DOK5: variants seen among roughly 807,000 people sequenced by gnomAD.
The protein encoded by DOK5 is downstream of tyrosine kinase 5.
Under a neutral mutation model 43.3 loss-of-function variants are expected in DOK5, and 27 were observed. The ratio of observed to expected loss-of-function variants is 0.62; its 90% CI spans 0.46 to 0.86. The LOEUF is 0.86. Among genes scored for constraint, DOK5 ranks in the 40% least tolerant of loss-of-function variants. DOK5 has a pLI of 0.00. For missense variants in DOK5, 373 were observed against 392.9 expected (o/e 0.95, Z 0.43); for synonymous variants, 146 against 140.1 (o/e 1.04, Z -0.30).
chr20:54,528,729 A>C (rs1983662729), intron 1 of DOK5, among the ~76,000 whole-genome samples: 1 of 152,214 alleles, frequency 6.6e-6, no homozygotes, highest in South Asian at 2.1e-4. Context: ...GCTGGGAGGC[A>C]GCTTTTTGGA....
chr20:54,531,753 G>A (rs1362706907), intron 1 of DOK5, among the ~76,000 whole-genome samples: 6 of 152,146 alleles, frequency 3.9e-5, no homozygotes. Flanking sequence ...CTGATGTTAT[G>A]TATTCTTTAA....
At position 54,489,388 on chromosome 20, in the gene DOK5, AAGT is replaced by A. The variant is rs1378632238; in HGVS notation, c.66+13380_66+13382del. Among the ~76,000 whole-genome samples, 4 of 151,964 alleles carry A rather than the reference AAGT, an allele frequency of 2.6e-5. No individual in the cohort carries two copies. In the East Asian group the frequency reaches 7.7e-4, roughly 29 times the overall value. On this transcript the variant is annotated intron_variant, in intron 1 of 7. Coordinates refer to ENST00000262593, the MANE Select transcript of DOK5 (RefSeq NM_018431.5). ...GTCTCTTCCAGAATAGTCTATATAT[AAGT>A]AGTTTTGTGTGTGTGTGGGCTTGTG...
In DOK5 at chr20:54,610,459, A is replaced by G. The variant is rs1482817635; in HGVS notation, c.671A>G (p.His224Arg). Residue 224 changes from histidine to arginine, a missense_variant, in exon 6 of 8, where the codon CAC (histidine) becomes CGC (arginine). His to Arg is a conservative substitution (Grantham distance 29). Coordinates refer to ENST00000262593, the MANE Select transcript of DOK5 (RefSeq NM_018431.5). ...RDGEAIYQKV[H>R]SAALAIAEQH... Reference sequence around the variant, plus strand: ...GGGGAGGCCATCTATCAGAAAGTCCACTCTGCTGCCTTGGCCATAGCCGAG... The same window carrying G: ...GGGGAGGCCATCTATCAGAAAGTCCGCTCTGCTGCCTTGGCCATAGCCGAG... 1.0e-5 allele frequency: 16 copies of G among 1,592,300 alleles called. No homozygotes were observed. Among genetic ancestry groups the G allele is most frequent in the Admixed American group, 1.8e-5 (1 of 56,248 alleles).
At chr20:54,590,403 A>G (rs192355185) in intron 4 of DOK5, among the ~76,000 whole-genome samples, 2 of 151,918 alleles carry the variant, frequency 1.3e-5, no homozygotes, top group Admixed American at 1.3e-4. Flanking sequence ...TCTCTCCCCT[A>G]TTGTTATTCT....
At position 54,645,022 on chromosome 20, in the gene DOK5, T is replaced by C. The variant is rs1320425900; in HGVS notation, c.856+1444T>C. Among the ~76,000 whole-genome samples, 197 of 112,062 alleles carry C rather than the reference T, an allele frequency of 1.8e-3. 1 individual carries two copies. The highest frequency in any genetic ancestry group is 0.01 in the African/African-American group (190 of 18,988). The allele number at this position is 112,062 out of a possible 152,430, so 73.5% of individuals were successfully genotyped here. On this transcript the variant is annotated intron_variant, in intron 7 of 7. Coordinates refer to ENST00000262593, the MANE Select transcript of DOK5 (RefSeq NM_018431.5). ...CTTTTTTTTTTTTTTTTTTTTTTTTTTTTGAGACAGAGTCTCGCTCTGTCG... is the reference window on the plus strand; with the variant it reads ...CTTTTTTTTTTTTTTTTTTTTTTTTCTTTGAGACAGAGTCTCGCTCTGTCG...
rs1248327864 is a variant in DOK5 at position 54,475,923 on chromosome 20, A to C, written c.-24A>C. 6.2e-7 allele frequency: 1 copy of C among 1,612,126 alleles called. No individual in the cohort carries two copies. Among genetic ancestry groups the C allele is most frequent in the African/African-American group, 1.3e-5 (1 of 74,924 alleles). On this transcript the variant is annotated 5_prime_UTR_variant, in exon 1 of 8. Transcript: ENST00000262593. The surrounding 1 kb of genome is among the most constrained non-coding windows in gnomAD (Gnocchi z 4.2). ...ACTTCGGGTGCGCGCTCTTGGGTAA[A>C]GGGGGGGTCACCGGCTGTCTGGGAT...
intron 1 of DOK5, among the ~76,000 whole-genome samples, chr20:54,478,546 G>A (rs577750639): frequency 1.1e-4 from 16 of 152,258 alleles, no homozygotes; most frequent in South Asian, 8.3e-4. Context: ...TAATACAACA[G>A]CATTTATTAA....
chr20:54,521,313 T>C (rs1239338710), intron 1 of DOK5, among the ~76,000 whole-genome samples: 2 of 152,106 alleles, frequency 1.3e-5, no homozygotes, highest in Non-Finnish European at 2.9e-5. Context: ...CTTGTAGAGA[T>C]CCCGCTGGTT....
At chr20:54,530,186 G>T (rs1185564734) in intron 1 of DOK5, among the ~76,000 whole-genome samples, 9 of 152,082 alleles carry the variant, frequency 5.9e-5, no homozygotes, top group Non-Finnish European at 1.2e-4. Flanking sequence ...TTGTTTCTTT[G>T]TCCTTTATTT....
intron 6 of DOK5, among the ~76,000 whole-genome samples, chr20:54,615,703 A>G (rs958404815): frequency 6.6e-6 from 1 of 152,130 alleles, no homozygotes; most frequent in African/African-American, 2.4e-5. Context: ...CGAGGTCAAG[A>G]GATTGAGACC....
chr20:54,627,619 G>A (rs529948558), intron 6 of DOK5, among the ~76,000 whole-genome samples: 4 of 152,300 alleles, frequency 2.6e-5, no homozygotes, highest in Admixed American at 1.3e-4. Flanking sequence ...TGTCTGTGGC[G>A]TGGGTCAGGG....
chr20:54,551,923 G>A (rs751936417), intron 1 of DOK5, among the ~76,000 whole-genome samples: 1 of 152,122 alleles, frequency 6.6e-6, no homozygotes, highest in East Asian at 1.9e-4. Flanking sequence ...TACCTCCTGG[G>A]TTGAAGCAAT....
intron 1 of DOK5, among the ~76,000 whole-genome samples, chr20:54,541,272 C>T (rs1261893291): frequency 6.6e-6 from 1 of 152,126 alleles, no homozygotes; most frequent in Non-Finnish European, 1.5e-5. Flanking sequence ...GTCAGTATCA[C>T]CCCCTGCAAT....
intron 1 of DOK5, among the ~76,000 whole-genome samples, chr20:54,479,140 A>ATAAG (rs1432128720): frequency 6.6e-6 from 1 of 152,224 alleles, no homozygotes; most frequent in Non-Finnish European, 1.5e-5. Context: ...TGGGTCACAG[A>ATAAG]TAAGTGGTCA....
At chr20:54,593,920 C>G (rs1477106006) in intron 5 of DOK5, among the ~76,000 whole-genome samples, 1 of 152,120 alleles carries the variant, frequency 6.6e-6, no homozygotes, top group Non-Finnish European at 1.5e-5. Context: ...TGCATGTTCT[C>G]ACTTATAAGT....
At chr20:54,611,877 C>T (rs1194882725) in intron 6 of DOK5, among the ~76,000 whole-genome samples, 4 of 152,110 alleles carry the variant, frequency 2.6e-5, no homozygotes, top group Admixed American at 6.5e-5. Context: ...TCCCAAATGA[C>T]GTCTATAGGC....
At chr20:54,579,933 C>G (rs778226054) in intron 2 of DOK5, among the ~76,000 whole-genome samples, 5 of 152,074 alleles carry the variant, frequency 3.3e-5, no homozygotes, top group African/African-American at 1.2e-4. Context: ...CTCCCCTAGC[C>G]CTCCATCCCC....
chr20:54,596,607 C>T (rs561272205), intron 5 of DOK5, among the ~76,000 whole-genome samples: 6 of 152,236 alleles, frequency 3.9e-5, no homozygotes, highest in East Asian at 1.9e-4. Flanking sequence ...CTTAACTCAC[C>T]GAGCTTTTTT....
chr20:54,608,944 G>A (rs1331533457), intron 5 of DOK5, among the ~76,000 whole-genome samples: 1 of 152,020 alleles, frequency 6.6e-6, no homozygotes, highest in East Asian at 1.9e-4. Context: ...CAAAGTGCTG[G>A]GATTACAGGT....
Sources: gnomAD v4.1 joint callset for allele counts (sites outside exome capture counted in the v4.1 genomes callset) on GRCh38, gnomAD v4.1.1 for gene constraint, Gnocchi (gnomAD v3.1) non-coding constraint, MANE v1.5 for transcripts, NCBI Gene and HGNC (gene_info 2026-07-23, HGNC 2026-07-21) for gene names.